Variants in SLC37A3 observed in about 807,000 individuals in gnomAD.
The protein encoded by SLC37A3 is sugar phosphate exchanger 3.
Under a neutral mutation model 67.1 loss-of-function variants are expected in SLC37A3, and 51 were observed. The observed-to-expected ratio is 0.76, with a 90% confidence interval of 0.61 to 0.96. SLC37A3 has a LOEUF of 0.96. SLC37A3 is among the 40% of genes least tolerant of loss of function. The probability of loss-of-function intolerance (pLI) is 0.00; values close to 1 mark genes in which losing one functional copy is unlikely to be tolerated. For missense variants in SLC37A3, 508 were observed against 603.0 expected (o/e 0.84, Z 1.65); for synonymous variants, 214 against 231.4 (o/e 0.92, Z 0.68).
At chr7:140,381,691 G>T (rs1210707527) in intron 2 of SLC37A3, among the ~76,000 whole-genome samples, 1 of 152,060 alleles carries the variant, frequency 6.6e-6, no homozygotes, top group Non-Finnish European at 1.5e-5. Context: ...AACCACTTAA[G>T]ATCACCTTTG....
chr7:140,366,823 G>GA (rs993839480), intron 4 of SLC37A3, among the ~76,000 whole-genome samples: 1 of 152,128 alleles, frequency 6.6e-6, no homozygotes, highest in African/African-American at 2.4e-5. Context: ...CCTCTTTGAA[G>GA]AAAAGATACT....
chr7:140,387,474 G>T (rs1476572482), intron 1 of SLC37A3, among the ~76,000 whole-genome samples: 1 of 150,174 alleles, frequency 6.7e-6, no homozygotes, highest in Non-Finnish European at 1.5e-5. Flanking sequence ...AATTAGCCGG[G>T]CGTGGTGATG....
chr7:140,368,992 G>A (rs1457606276), intron 4 of SLC37A3, among the ~76,000 whole-genome samples: 2 of 152,024 alleles, frequency 1.3e-5, no homozygotes, highest in African/African-American at 4.8e-5. Flanking sequence ...AGGTCCTGCC[G>A]CTGCTCTGCA....
chr7:140,390,249 C>G (rs1176607796), intron 1 of SLC37A3, among the ~76,000 whole-genome samples: 4 of 152,088 alleles, frequency 2.6e-5, no homozygotes, highest in Admixed American at 1.3e-4. Context: ...TCTGCCCAGT[C>G]TTCCCACACA....
chr7:140,363,686 T>G, intron 5 of SLC37A3, among the ~76,000 whole-genome samples: 2 of 46,334 alleles, frequency 4.3e-5, no homozygotes, highest in African/African-American at 8.5e-5. Context: ...CCAAGAATGA[T>G]CAATAAAAAA....
rs202056956 is a variant in SLC37A3 at position 140,348,442 on chromosome 7, TTTTTCTTTTC to T, written c.1024+174_1024+183del. On this transcript the variant is annotated intron_variant, in intron 10 of 14. Transcript: ENST00000326232. ...GTCTTCCTTTCTATGGACCTCTTGT[TTTTTCTTTTC>T]TTTTCTTTTCTTTTTTTTTTTTTTT... 16 of 569,208 alleles carry T rather than the reference TTTTTCTTTTC, an allele frequency of 2.8e-5. No homozygotes were observed. In the African/African-American group the frequency reaches 3.0e-4, roughly 11 times the overall value. The allele number at this position is 569,208 out of a possible 1,614,324, so 35.3% of individuals were successfully genotyped here. A position where few individuals can be genotyped will look rare whatever the true frequency, so the allele number is the denominator to read the frequency against.
At chr7:140,358,000 C>A (rs1797103625) in intron 6 of SLC37A3, among the ~76,000 whole-genome samples, 1 of 151,690 alleles carries the variant, frequency 6.6e-6, no homozygotes, top group Non-Finnish European at 1.5e-5. Context: ...CACTTGAACC[C>A]CGGAGGCGAA....
At chr7:140,344,026 G>A in intron 12 of SLC37A3, 1 of 193,720 alleles carries the variant, frequency 5.2e-6, no homozygotes, top group Non-Finnish European at 1.0e-5. Flanking sequence ...CCATGAATCA[G>A]GCATGCGATG....
At chr7:140,356,180 C>T (rs577921573) in intron 6 of SLC37A3, among the ~76,000 whole-genome samples, 38 of 140,822 alleles carry the variant, frequency 2.7e-4, no homozygotes, top group African/African-American at 8.8e-4. Context: ...GACAACAAAG[C>T]GAGACTCCAC....
intron 6 of SLC37A3, among the ~76,000 whole-genome samples, chr7:140,356,637 C>T (rs1322609102): frequency 6.6e-6 from 1 of 152,060 alleles, no homozygotes; most frequent in Non-Finnish European, 1.5e-5. Flanking sequence ...GAGCCGAGAT[C>T]GCACCACTAT....
chr7:140,333,896 G>C lies in SLC37A3; in HGVS notation c.*1516C>G, dbSNP rs779993906. The C allele has an allele frequency of 4.6e-5, 7 of 152,584 alleles. No homozygotes were observed. The highest frequency in any genetic ancestry group is 1.2e-4 in the African/African-American group (5 of 41,418). 9.5% of individuals were successfully genotyped at this position (152,584 alleles called of 1,614,324 possible). ...AACACACCCCATATCAGAGTATAAA[G>C]CAAGAGGTTGAAAAATATCCCCTAA... On this transcript the variant is annotated 3_prime_UTR_variant, in exon 15 of 15. Transcript: ENST00000326232.
intron 3 of SLC37A3, among the ~76,000 whole-genome samples, chr7:140,372,640 A>C (rs6966078): frequency 5.3e-5 from 8 of 151,994 alleles, no homozygotes; most frequent in Admixed American, 1.3e-4. Flanking sequence ...AGGAGGGCGG[A>C]TCACTTGAAG....
chr7:140,376,537 A>G (rs1280615232), intron 3 of SLC37A3, among the ~76,000 whole-genome samples: 2 of 152,170 alleles, frequency 1.3e-5, no homozygotes, highest in Non-Finnish European at 1.5e-5. Context: ...ATGTTGAGGT[A>G]CTTCCTGTGC....
intron 1 of SLC37A3, among the ~76,000 whole-genome samples, chr7:140,385,318 T>C (rs937064171): frequency 4.6e-5 from 7 of 152,188 alleles, no homozygotes; most frequent in Non-Finnish European, 8.8e-5. Flanking sequence ...AAAATGTAAA[T>C]AAACTTCCTG....
Position 140,364,396 on chromosome 7 carries a change from C to G in SLC37A3, c.375+12G>C. ...CTGACCAAAATAATAATAATAAGAC[C>G]TTTCAACTTACCACTAATGCAGAAG... On this transcript the variant is annotated intron_variant, in intron 5 of 14. Transcript: ENST00000326232. The G allele has an allele frequency of 6.2e-7, 1 of 1,611,186 alleles. No individual in the cohort carries two copies. Among genetic ancestry groups the G allele is most frequent in the South Asian group, 1.1e-5 (1 of 90,618 alleles).
In SLC37A3 at chr7:140,335,191, C is replaced by A; in HGVS notation, c.*221G>T. The stretch of plus-strand genomic sequence containing the variant: ...AGAGTCAGAAGTCACTCGGCACATT[C>A]ATGAAACAACAGCAAAAATCATCAA... On this transcript the variant is annotated 3_prime_UTR_variant, in exon 15 of 15. Coordinates refer to ENST00000326232, the MANE Select transcript of SLC37A3 (RefSeq NM_207113.3). 1 of 1,585,338 alleles carries A rather than the reference C, an allele frequency of 6.3e-7. No homozygotes were observed. Among genetic ancestry groups the A allele is most frequent in the Non-Finnish European group, 8.6e-7 (1 of 1,162,108 alleles).
intron 5 of SLC37A3, among the ~76,000 whole-genome samples, chr7:140,363,976 G>GTAATC: frequency 6.6e-6 from 1 of 152,258 alleles, no homozygotes; most frequent in African/African-American, 2.4e-5. Flanking sequence ...GACTCATCTG[G>GTAATC]CCAGGCGCAG....
intron 1 of SLC37A3, among the ~76,000 whole-genome samples, chr7:140,385,955 G>A (rs183842506): frequency 1.3e-5 from 2 of 152,122 alleles, no homozygotes; most frequent in Admixed American, 1.3e-4. Context: ...GCTAATTTTT[G>A]TATTTTTAGT....
chr7:140,376,275 G>GA (rs1798028343), intron 3 of SLC37A3, among the ~76,000 whole-genome samples: 1 of 152,096 alleles, frequency 6.6e-6, no homozygotes, highest in Non-Finnish European at 1.5e-5. Flanking sequence ...CAGGGTAACA[G>GA]AAAAAAAGAA....
Sources: gnomAD v4.1 joint callset for allele counts (sites outside exome capture counted in the v4.1 genomes callset) on GRCh38, gnomAD v4.1.1 for gene constraint, MANE v1.5 for transcripts, NCBI Gene and HGNC (gene_info 2026-07-23, HGNC 2026-07-21) for gene names.